Variants in ZNF804B observed in about 807,000 individuals in gnomAD.
The protein encoded by ZNF804B is zinc finger protein 804B.
In ZNF804B, 80 loss-of-function variants were observed where a neutral mutation model predicts 101.4. The observed-to-expected ratio is 0.79, with a 90% confidence interval of 0.66 to 0.95. The LOEUF (loss-of-function observed/expected upper bound fraction) is 0.95, where lower values mean the gene tolerates loss of function less well. Among genes scored for constraint, ZNF804B ranks in the 40% least tolerant of loss-of-function variants. The pLI is 0.00. For synonymous variants in ZNF804B, 622 were observed against 558.8 expected (o/e 1.11, Z -1.59); for missense variants, 1,673 against 1,561.9 (o/e 1.07, Z -1.20).
At chr7:88,869,760 A>G (rs1791786594) in intron 1 of ZNF804B, among the ~76,000 whole-genome samples, 1 of 152,118 alleles carries the variant, frequency 6.6e-6, no homozygotes, top group South Asian at 2.1e-4. Context: ...ATCCAAAGGT[A>G]GACTTGCAAG....
chr7:88,813,106 TA>T lies in ZNF804B; in HGVS notation c.108+53028del, dbSNP rs561207638. On this transcript the variant is annotated intron_variant, in intron 1 of 3. Transcript: ENST00000333190. ...GTCAATTATATTTTAATTTTAAAAT[TA>T]AAAAATAGTTTCCCATAAATCTTAT... is the stretch of plus-strand genomic sequence containing the variant. Among the ~76,000 whole-genome samples, 5 of 152,198 alleles carry T rather than the reference TA, an allele frequency of 3.3e-5. No individual in the cohort carries two copies. In the East Asian group the frequency reaches 7.7e-4, roughly 23 times the overall value.
intron 1 of ZNF804B, among the ~76,000 whole-genome samples, chr7:89,037,560 T>A (rs933692047): frequency 1.3e-5 from 2 of 149,200 alleles, no homozygotes; most frequent in Admixed American, 1.3e-4. Context: ...CACAATGTAA[T>A]GCATGGATAT....
At chr7:88,854,414 C>CTTTCTTTCTTTCTTTCTTT (rs1791502231) in intron 1 of ZNF804B, among the ~76,000 whole-genome samples, 1 of 57,076 alleles carries the variant, frequency 1.8e-5, no homozygotes, top group Non-Finnish European at 3.6e-5. Context: ...TTTCTTTCTT[C>CTTTCTTTCTTTCTTTCTTT]CTTTCTTTCT....
intron 1 of ZNF804B, among the ~76,000 whole-genome samples, chr7:88,845,393 G>A (rs1329428172): frequency 1.3e-5 from 2 of 151,996 alleles, no homozygotes; most frequent in Non-Finnish European, 2.9e-5. Context: ...GTAGGAGCCT[G>A]AGAATCACCT....
At chr7:88,822,182 G>T (rs1438051043) in intron 1 of ZNF804B, among the ~76,000 whole-genome samples, 1 of 152,138 alleles carries the variant, frequency 6.6e-6, no homozygotes, top group Non-Finnish European at 1.5e-5. Context: ...ATATAGGAAA[G>T]ATCTTTTACT....
chr7:88,854,414 C>CCTTTCTTCCTTCCTTTCTTTCTTTCTTT (rs1791502773), intron 1 of ZNF804B, among the ~76,000 whole-genome samples: 1 of 57,076 alleles, frequency 1.8e-5, no homozygotes, highest in African/African-American at 6.3e-5. Context: ...TTTCTTTCTT[C>CCTTTCTTCCTTCCTTTCTTTCTTTCTTT]CTTTCTTTCT....
chr7:89,208,626 C>T (rs746426892), intron 1 of ZNF804B, among the ~76,000 whole-genome samples: 33 of 152,250 alleles, frequency 2.2e-4, no homozygotes, highest in Middle Eastern at 6.8e-3. Context: ...GGTGGAGGAA[C>T]TGTATATTAA....
At chr7:88,918,721 G>A (rs866439509) in intron 1 of ZNF804B, among the ~76,000 whole-genome samples, 1 of 152,164 alleles carries the variant, frequency 6.6e-6, no homozygotes, top group Middle Eastern at 3.4e-3. Context: ...TTTTATTTCA[G>A]TTAAATACTC....
chr7:88,785,443 G>A (rs1372284166), intron 1 of ZNF804B, among the ~76,000 whole-genome samples: 1 of 152,080 alleles, frequency 6.6e-6, no homozygotes, highest in Non-Finnish European at 1.5e-5. Context: ...CTCTTAAGGT[G>A]TATCTATACA....
intron 1 of ZNF804B, among the ~76,000 whole-genome samples, chr7:89,174,959 T>G (rs1791296554): frequency 6.6e-6 from 1 of 152,028 alleles, no homozygotes; most frequent in Non-Finnish European, 1.5e-5. Context: ...TTCTATTGAG[T>G]TGTTTGAGCT....
At chr7:89,100,483 G>T (rs563126941) in intron 1 of ZNF804B, among the ~76,000 whole-genome samples, 2 of 152,116 alleles carry the variant, frequency 1.3e-5, no homozygotes, top group African/African-American at 2.4e-5. Flanking sequence ...CAAGTTAAAA[G>T]CCTTCTGTGC....
chr7:88,792,481 T>A (rs559459727), intron 1 of ZNF804B, among the ~76,000 whole-genome samples: 2 of 152,282 alleles, frequency 1.3e-5, no homozygotes, highest in East Asian at 3.9e-4. Context: ...CTCTTACATA[T>A]GCTCGTCTTC....
chr7:89,226,929 T>C (rs117736896), intron 2 of ZNF804B, among the ~76,000 whole-genome samples: 14 of 152,288 alleles, frequency 9.2e-5, no homozygotes, highest in Non-Finnish European at 1.9e-4. Context: ...ATCACATAAG[T>C]CAGATAATCA....
intron 1 of ZNF804B, among the ~76,000 whole-genome samples, chr7:89,120,266 C>A (rs1245402054): frequency 6.6e-6 from 1 of 151,850 alleles, no homozygotes; most frequent in Non-Finnish European, 1.5e-5. Flanking sequence ...CCAGCCTGGG[C>A]AACCGAGCAA....
intron 1 of ZNF804B, among the ~76,000 whole-genome samples, chr7:88,927,794 A>G (rs1027367817): frequency 7.2e-5 from 11 of 152,226 alleles, no homozygotes; most frequent in Non-Finnish European, 1.6e-4. Flanking sequence ...TATCCTCATT[A>G]TCTTCTCACC....
chr7:89,142,034 C>G (rs959689100), intron 1 of ZNF804B, among the ~76,000 whole-genome samples: 1 of 151,536 alleles, frequency 6.6e-6, no homozygotes, highest in Non-Finnish European at 1.5e-5. Context: ...TCAATGCTAT[C>G]TTTTTTACAT....
intron 2 of ZNF804B, among the ~76,000 whole-genome samples, chr7:89,259,670 G>T (rs1353526332): frequency 6.6e-6 from 1 of 152,078 alleles, no homozygotes; most frequent in Non-Finnish European, 1.5e-5. Context: ...ATGAAGTTCT[G>T]GGTGCTAGGG....
At chr7:88,801,905 A>T (rs1017792846) in intron 1 of ZNF804B, among the ~76,000 whole-genome samples, 3 of 152,188 alleles carry the variant, frequency 2.0e-5, no homozygotes, top group African/African-American at 7.2e-5. Context: ...TAGATATTTA[A>T]AAATAAAATT....
At chr7:89,007,416 T>C (rs1788381544) in intron 1 of ZNF804B, among the ~76,000 whole-genome samples, 1 of 135,418 alleles carries the variant, frequency 7.4e-6, no homozygotes, top group Non-Finnish European at 1.6e-5. Flanking sequence ...AATCATACTT[T>C]GAACATGTTA....
Sources: allele counts gnomAD v4.1 joint callset (sites outside exome capture counted in the v4.1 genomes callset), GRCh38; gene constraint gnomAD v4.1.1; transcripts MANE v1.5; gene names NCBI Gene and HGNC (gene_info 2026-07-23, HGNC 2026-07-21).